Variants in PDE1A observed in about 807,000 individuals in gnomAD.
PDE1A encodes dual specificity calcium/calmodulin-dependent 3',5'-cyclic nucleotide phosphodiesterase 1A.
A neutral mutation model predicts 61.7 loss-of-function variants in PDE1A; 35 were observed. That is an observed-to-expected ratio of 0.57 (90% confidence interval 0.43 to 0.75). PDE1A has a LOEUF of 0.75. Among genes scored for constraint, PDE1A ranks in the 30% least tolerant of loss-of-function variants. The pLI is 0.00. For missense variants in PDE1A, 597 were observed against 630.6 expected, an observed-to-expected ratio of 0.95 and a Z score of 0.57; for synonymous variants, 232 against 213.2, an observed-to-expected ratio of 1.09 and a Z score of -0.77.
intron 7 of PDE1A, among the ~76,000 whole-genome samples, chr2:182,208,499 C>G (rs986053740): frequency 2.0e-5 from 3 of 152,160 alleles, no homozygotes; most frequent in Non-Finnish European, 4.4e-5. Flanking sequence ...ATGGGGATTA[C>G]AATCTGAGAT....
chr2:182,560,030 T>C, the PDE1A span, among the ~76,000 whole-genome samples: 1,839 of 150,622 alleles, frequency 0.012, 46 homozygotes, highest in African/African-American at 0.043. Flanking sequence ...ATTTTCTTGG[T>C]GGCAGAGGGA....
the PDE1A span, among the ~76,000 whole-genome samples, chr2:182,690,196 C>G: frequency 6.6e-6 from 1 of 152,154 alleles, no homozygotes; most frequent in African/African-American, 2.4e-5. Context: ...CAGCATCATC[C>G]TGATACCAAA....
At chr2:182,558,071 T>C in the PDE1A span, among the ~76,000 whole-genome samples, 1 of 152,200 alleles carries the variant, frequency 6.6e-6, no homozygotes, top group African/African-American at 2.4e-5. Context: ...TTCATATTCT[T>C]ATAACAGTTT....
chr2:182,422,231 C>T (rs1331351496), intron 1 of PDE1A, among the ~76,000 whole-genome samples: 4 of 152,086 alleles, frequency 2.6e-5, no homozygotes, highest in Admixed American at 1.3e-4. Context: ...ACAAAAGTGA[C>T]CTAATCACTT....
At chr2:182,702,018 A>G in the PDE1A span, among the ~76,000 whole-genome samples, 3 of 152,236 alleles carry the variant, frequency 2.0e-5, no homozygotes, top group Non-Finnish European at 4.4e-5. Context: ...ACCAATTTAC[A>G]GAATTTAATT....
intron 1 of PDE1A, among the ~76,000 whole-genome samples, chr2:182,322,037 A>G (rs1368524701): frequency 6.6e-6 from 1 of 152,174 alleles, no homozygotes; most frequent in Non-Finnish European, 1.5e-5. Context: ...TAATCGTTGG[A>G]AATAAGAGCT....
intron 2 of PDE1A, among the ~76,000 whole-genome samples, chr2:182,500,153 A>G (rs1689002626): frequency 6.6e-6 from 1 of 152,248 alleles, no homozygotes; most frequent in Non-Finnish European, 1.5e-5. Flanking sequence ...CAAAGTAACA[A>G]TTAAAATGAG....
At chr2:182,258,790 T>C (rs1692008907) in intron 2 of PDE1A, among the ~76,000 whole-genome samples, 2 of 152,202 alleles carry the variant, frequency 1.3e-5, no homozygotes, top group African/African-American at 4.8e-5. Flanking sequence ...CTTACCCCAT[T>C]CTTACCCCAT....
At chr2:182,172,059 G>A (rs2125328764) in intron 13 of PDE1A, among the ~76,000 whole-genome samples, 1 of 152,108 alleles carries the variant, frequency 6.6e-6, no homozygotes, top group Non-Finnish European at 1.5e-5. Flanking sequence ...TAAAACATGA[G>A]GAGAAACTTT....
chr2:182,159,473 CAAG>C (rs2125293917), intron 13 of PDE1A, among the ~76,000 whole-genome samples: 1 of 152,262 alleles, frequency 6.6e-6, no homozygotes, highest in African/African-American at 2.4e-5. Context: ...AATCACCTAT[CAAG>C]ATAATTCATC....
downstream of PDE1A, among the ~76,000 whole-genome samples, chr2:182,165,546 C>T (rs1301811657): frequency 4.0e-5 from 6 of 151,468 alleles, no homozygotes; most frequent in Admixed American, 2.0e-4. Flanking sequence ...TTAGTATTAC[C>T]CTGTCCTGTG....
At chr2:182,267,525 C>T (rs1010339540) in intron 1 of PDE1A, among the ~76,000 whole-genome samples, 3 of 151,906 alleles carry the variant, frequency 2.0e-5, no homozygotes, top group African/African-American at 7.3e-5. Flanking sequence ...TACTAGGACT[C>T]GTTTTTTCTC....
At chr2:182,507,361 A>C (rs1199717243) in intron 2 of PDE1A, among the ~76,000 whole-genome samples, 1 of 152,290 alleles carries the variant, frequency 6.6e-6, no homozygotes, top group Admixed American at 6.5e-5. Flanking sequence ...ATTTTGAGAA[A>C]GTTGGGTAGT....
At chr2:182,189,149 A>G in intron 10 of PDE1A, 89 bp from the exon 11 acceptor site, 6 of 708,178 alleles carry the variant, frequency 8.5e-6, no homozygotes, top group Non-Finnish European at 1.4e-5. Context: ...GAAAAGCCAC[A>G]TCTTTCATTT....
At chr2:182,441,235 G>A (rs1433815234) in intron 2 of PDE1A, among the ~76,000 whole-genome samples, 1 of 152,010 alleles carries the variant, frequency 6.6e-6, no homozygotes, top group Non-Finnish European at 1.5e-5. Flanking sequence ...TCTCCACCTG[G>A]CCCCATCCTT....
At chr2:182,372,022 C>T (rs953164999) in intron 1 of PDE1A, among the ~76,000 whole-genome samples, 1 of 152,156 alleles carries the variant, frequency 6.6e-6, no homozygotes, top group Non-Finnish European at 1.5e-5. Flanking sequence ...TCTCAAACTC[C>T]TGAGCTCAAG....
At chr2:182,457,922 T>C (rs557008846) in intron 2 of PDE1A, among the ~76,000 whole-genome samples, 2 of 152,214 alleles carry the variant, frequency 1.3e-5, no homozygotes, top group African/African-American at 2.4e-5. Flanking sequence ...ATTTAAGATG[T>C]AGCTTTATTT....
intron 2 of PDE1A, among the ~76,000 whole-genome samples, chr2:182,258,958 C>A (rs570205103): frequency 6.6e-6 from 1 of 152,288 alleles, no homozygotes; most frequent in South Asian, 2.1e-4. Context: ...CCAGTTCTAG[C>A]CACCAGCTGC....
intron 1 of PDE1A, among the ~76,000 whole-genome samples, chr2:182,421,862 C>T (rs1425195360): frequency 6.6e-6 from 1 of 152,108 alleles, no homozygotes; most frequent in Admixed American, 6.5e-5. Flanking sequence ...TTAACCATAC[C>T]CATTAGGTCC....
Sources: allele counts gnomAD v4.1 joint callset (sites outside exome capture counted in the v4.1 genomes callset), GRCh38; gene constraint gnomAD v4.1.1; transcripts MANE v1.5; gene names NCBI Gene and HGNC (gene_info 2026-07-23, HGNC 2026-07-21).